The following CHAF1A variants were observed in gnomAD, a reference collection of about 807,000 sequenced individuals.
CHAF1A encodes chromatin assembly factor 1 subunit A.
Under a neutral mutation model 93.2 loss-of-function variants are expected in CHAF1A, and 5 were observed. The observed-to-expected ratio is 0.05, with a 90% CI of 0.03 to 0.11. The LOEUF (loss-of-function observed/expected upper bound fraction) is 0.11, where lower values mean the gene tolerates loss of function less well. CHAF1A is among the 10% of genes least tolerant of loss of function. The probability of loss-of-function intolerance (pLI) is 1.00; values close to 1 mark genes in which losing one functional copy is unlikely to be tolerated. For missense variants in CHAF1A, 1,102 were observed against 1,259.9 expected (o/e 0.87, Z 1.90); for synonymous variants, 504 against 510.3 (o/e 0.99, Z 0.17).
At chr19:4,416,004 T>G (rs1409564963) in intron 3 of CHAF1A, among the ~76,000 whole-genome samples, 1 of 152,024 alleles carries the variant, frequency 6.6e-6, no homozygotes, top group Non-Finnish European at 1.5e-5. Context: ...AAACCCCATC[T>G]CTACTAAAAA....
intron 4 of CHAF1A, among the ~76,000 whole-genome samples, chr19:4,421,749 A>G (rs905503421): frequency 6.6e-6 from 1 of 152,176 alleles, no homozygotes; most frequent in Non-Finnish European, 1.5e-5. Flanking sequence ...GCACTCCACC[A>G]TGGGCAACAG....
chr19:4,408,861 C>T (rs765958815), intron 2 of CHAF1A, 42 bp from the exon 3 acceptor site: 28 of 1,555,020 alleles, frequency 1.8e-5, no homozygotes, highest in Non-Finnish European at 2.2e-5. Flanking sequence ...GTGGTTGTAA[C>T]TTTAAACGTT....
At chr19:4,435,910 G>A (rs1974274964) in intron 13 of CHAF1A, among the ~76,000 whole-genome samples, 1 of 152,156 alleles carries the variant, frequency 6.6e-6, no homozygotes, top group Non-Finnish European at 1.5e-5. Flanking sequence ...AGGCCAAGGC[G>A]GGCAGATCAC....
chr19:4,430,841 G>A (rs1358555164), intron 11 of CHAF1A, 200 bp downstream of exon 11: 2 of 573,512 alleles, frequency 3.5e-6, no homozygotes, highest in Non-Finnish European at 6.2e-6. Flanking sequence ...GACGTAGGAG[G>A]AGCTTGCAAG....
At position 4,428,738 on chromosome 19, in the gene CHAF1A, G is replaced by A. The variant is rs1974128245; in HGVS notation, c.1452G>A (p.Arg484=). ...ACATGGTCCTGGCCCCTCGGCGTCGGACCGCTTTCCATCCAGACCTCTGCA... is the reference window on the plus strand; with the variant it reads ...ACATGGTCCTGGCCCCTCGGCGTCGAACCGCTTTCCATCCAGACCTCTGCA... ...KEHMVLAPRR[R]TAFHPDLCSQ... is the part of the protein sequence containing the mutation. The change falls in exon 8 of 15, where the codon CGG becomes CGA. Residue 484 remains arginine (R), a synonymous_variant. Coordinates refer to ENST00000301280, the MANE Select transcript of CHAF1A (RefSeq NM_005483.3). 1.9e-6 allele frequency: 3 copies of A among 1,614,028 alleles called. No homozygotes were observed.
chr19:4,428,936 G>T (rs1263715980), intron 8 of CHAF1A, 46 bp downstream of exon 8: 11 of 1,522,158 alleles, frequency 7.2e-6, no homozygotes, highest in Non-Finnish European at 9.1e-6. Context: ...TGATGCTGGA[G>T]GCCAGCATCC....
chr19:4,442,050 T>C (rs1974400413), intron 13 of CHAF1A, among the ~76,000 whole-genome samples, 195 bp from the exon 14 acceptor site: 1 of 152,236 alleles, frequency 6.6e-6, no homozygotes, highest in African/African-American at 2.4e-5. Flanking sequence ...CCCCCAAGGT[T>C]CTCTGGTTGT....
chr19:4,410,994 CTT>C (rs1006202322), intron 3 of CHAF1A, among the ~76,000 whole-genome samples: 19 of 152,080 alleles, frequency 1.2e-4, no homozygotes, highest in African/African-American at 4.3e-4. Flanking sequence ...TTAGTGGTGT[CTT>C]TTGATTTTAT....
At chr19:4,441,822 C>T (rs1599666906) in intron 13 of CHAF1A, among the ~76,000 whole-genome samples, 1 of 152,044 alleles carries the variant, frequency 6.6e-6, no homozygotes, top group South Asian at 2.1e-4. Context: ...GGCGTGAATC[C>T]GGGAGGCGGA....
At chr19:4,446,088 C>T, downstream of CHAF1A, 1 of 1,612,780 alleles carries the variant, frequency 6.2e-7, no homozygotes, top group Non-Finnish European at 8.5e-7. Flanking sequence ...CGTCCTCGGA[C>T]AGCTTCTGCC....
Position 4,433,431 on chromosome 19 carries a change from C to A in CHAF1A, c.2565C>A (p.Ser855Arg). ...CGGCCCCCAAAGAGGACAGTGGCAG[C>A]GTCCCCTCCACGGGGCCCAGCCAGG... is the stretch of plus-strand genomic sequence containing the variant. ...VPSAPKEDSG[S>R]VPSTGPSQGT... Residue 855 changes from serine (S) to arginine (R), a missense_variant, in exon 13 of 15, where the codon AGC (serine) becomes AGA (arginine). By Grantham distance (110) the Ser-to-Arg change is moderately radical. Coordinates refer to ENST00000301280, the MANE Select transcript of CHAF1A (RefSeq NM_005483.3). This position sits in a 1 kb window ranked among gnomAD's most constrained non-coding sequence, Gnocchi z 5.6. 1.9e-6 allele frequency: 3 copies of A among 1,609,856 alleles called. No homozygotes were observed. Among genetic ancestry groups the A allele is most frequent in the Non-Finnish European group, 2.5e-6 (3 of 1,176,724 alleles).
chr19:4,425,620 C>G (rs1459616299), intron 7 of CHAF1A, among the ~76,000 whole-genome samples: 1 of 152,200 alleles, frequency 6.6e-6, no homozygotes, highest in African/African-American at 2.4e-5. Flanking sequence ...GTGCTAGGAT[C>G]ACAGGCATGA....
At chr19:4,444,025 C>T (rs571692231), downstream of CHAF1A, among the ~76,000 whole-genome samples, 2 of 152,350 alleles carry the variant, frequency 1.3e-5, no homozygotes, top group African/African-American at 4.8e-5. Context: ...GCCAGGCCTT[C>T]CTGCTGGGAA....
chr19:4,445,525 G>C (rs764846893), downstream of CHAF1A: 9 of 1,613,856 alleles, frequency 5.6e-6, no homozygotes, highest in Admixed American at 1.5e-4. Context: ...TGGCTGACAG[G>C]AGCTCGGGTT....
In CHAF1A at chr19:4,405,900, T is replaced by C. The variant is rs1357207210; in HGVS notation, c.53-12T>C. On this transcript the variant is annotated splice_polypyrimidine_tract_variant and intron_variant, in intron 1 of 14. Transcript: ENST00000301280. ...AATTTAACAGTTTACCCTTTGACAC[T>C]TTTATTTGCAGCCATGGATTGCAAA... The C allele has an allele frequency of 6.2e-7, 1 of 1,612,060 alleles. No homozygotes were observed. The highest frequency in any genetic ancestry group is 1.3e-5 in the African/African-American group (1 of 74,912).
intron 3 of CHAF1A, among the ~76,000 whole-genome samples, chr19:4,411,316 G>A (rs919864768): frequency 6.6e-6 from 1 of 151,806 alleles, no homozygotes; most frequent in Non-Finnish European, 1.5e-5. Flanking sequence ...TGCAACCTCC[G>A]CCTCTTGGGT....
downstream of CHAF1A, chr19:4,446,208 G>T: frequency 6.3e-7 from 1 of 1,596,014 alleles, no homozygotes; most frequent in East Asian, 2.3e-5. Context: ...CTGGGGAGTG[G>T]GGGAGTCAGA....
intron 3 of CHAF1A, among the ~76,000 whole-genome samples, chr19:4,410,799 TATG>T (rs1383103150): frequency 2.6e-5 from 4 of 152,288 alleles, no homozygotes; most frequent in African/African-American, 9.6e-5. Context: ...CGCAGCGAGC[TATG>T]ATCACACTGC....
Position 4,402,662 on chromosome 19 carries a change from G to GGCGGCGGCA in CHAF1A, c.-96_-95insGGCAGCGGC. ...CGCCAAATACGAGCGCGGCGGCCGC[G>GGCGGCGGCA]GCGGCAGCAGCGGCGCGGGCGGGAG... On this transcript the variant is annotated 5_prime_UTR_variant, in exon 1 of 15. Transcript: ENST00000301280. 2 of 684,374 alleles carry GGCGGCGGCA rather than the reference G, an allele frequency of 2.9e-6. No homozygotes were observed. Among genetic ancestry groups the GGCGGCGGCA allele is most frequent in the Non-Finnish European group, 2.0e-6 (1 of 504,316 alleles). 42.4% of individuals were successfully genotyped at this position (684,374 alleles called of 1,614,324 possible).
Sources: gnomAD v4.1 joint callset for allele counts (sites outside exome capture counted in the v4.1 genomes callset) on GRCh38, gnomAD v4.1.1 for gene constraint, Gnocchi (gnomAD v3.1) non-coding constraint, MANE v1.5 for transcripts, NCBI Gene and HGNC (gene_info 2026-07-23, HGNC 2026-07-21) for gene names.